FAF1: variants seen among roughly 807,000 people sequenced by gnomAD.
FAF1 encodes the protein Fas associated factor 1.
Under a neutral mutation model 92.5 loss-of-function variants are expected in FAF1, and 25 were observed. That is an observed-to-expected ratio of 0.27 (90% CI 0.20 to 0.38). The LOEUF is 0.38. Ranked by LOEUF, FAF1 falls within the 10% of genes least tolerant of loss-of-function variation. FAF1 has a pLI of 1.00. For synonymous variants in FAF1, 234 were observed against 273.2 expected, an observed-to-expected ratio of 0.86 and a Z score of 1.42; for missense variants, 636 against 793.3, an observed-to-expected ratio of 0.80 and a Z score of 2.38.
chr1:50,876,847 G>A (rs1280219777), intron 1 of FAF1, among the ~76,000 whole-genome samples: 1 of 152,164 alleles, frequency 6.6e-6, no homozygotes, highest in Non-Finnish European at 1.5e-5. Context: ...GCCTCCCAAA[G>A]TGCTGGGATT....
chr1:50,599,753 T>A (rs1652008343), intron 8 of FAF1, among the ~76,000 whole-genome samples: 1 of 152,162 alleles, frequency 6.6e-6, no homozygotes, highest in Non-Finnish European at 1.5e-5. Context: ...ATCAGCCACT[T>A]TTTTTCAGAA....
rs1187899111 is a variant in FAF1 at position 50,858,008 on chromosome 1, A to T, written c.46-11T>A. The T allele has an allele frequency of 6.3e-7, 1 of 1,577,888 alleles. No individual in the cohort carries two copies. Among genetic ancestry groups the T allele is most frequent in the Non-Finnish European group, 8.6e-7 (1 of 1,160,822 alleles). On this transcript the variant is annotated splice_polypyrimidine_tract_variant and intron_variant, in intron 1 of 18. Transcript: ENST00000396153. ...AATGCCAGTACATGCCTGGAAAGAA[A>T]GTAAATAAGCATTTTACATATAATT... is the stretch of plus-strand genomic sequence containing the variant.
intron 2 of FAF1, among the ~76,000 whole-genome samples, chr1:50,820,036 A>C (rs1003192961): frequency 3.3e-5 from 5 of 151,706 alleles, no homozygotes; most frequent in Non-Finnish European, 5.9e-5. Context: ...CGTGCACGGC[A>C]TCCTTTCTCC....
At chr1:50,574,002 G>A (rs988778165) in intron 12 of FAF1, among the ~76,000 whole-genome samples, 15 of 152,124 alleles carry the variant, frequency 9.9e-5, no homozygotes, top group African/African-American at 3.6e-4. Flanking sequence ...GGTGGGGTGC[G>A]CCTGTAATCC....
chr1:50,614,331 T>G (rs1274748657), intron 8 of FAF1, among the ~76,000 whole-genome samples: 1 of 152,162 alleles, frequency 6.6e-6, no homozygotes, highest in Non-Finnish European at 1.5e-5. Flanking sequence ...TATTGTTGTG[T>G]ACTACTAAGT....
chr1:50,613,242 T>C (rs1652759438), intron 8 of FAF1, among the ~76,000 whole-genome samples: 1 of 152,224 alleles, frequency 6.6e-6, no homozygotes, highest in African/African-American at 2.4e-5. Flanking sequence ...GATTGACATC[T>C]GGGCCTCAGT....
At chr1:50,758,322 G>A (rs773648388) in intron 4 of FAF1, among the ~76,000 whole-genome samples, 1 of 152,152 alleles carries the variant, frequency 6.6e-6, no homozygotes, top group Non-Finnish European at 1.5e-5. Context: ...CCAAAATGCT[G>A]GGATTAAAGG....
intron 8 of FAF1, among the ~76,000 whole-genome samples, chr1:50,611,392 T>C (rs977496219): frequency 1.3e-5 from 2 of 152,174 alleles, no homozygotes; most frequent in South Asian, 2.1e-4. Context: ...AAGCTAGTTA[T>C]TATAAGCCTC....
intron 8 of FAF1, among the ~76,000 whole-genome samples, chr1:50,630,824 ATATCT>A (rs1653742663): frequency 1.5e-5 from 2 of 131,190 alleles, no homozygotes; most frequent in Non-Finnish European, 3.2e-5. Context: ...CTAGTGTATC[ATATCT>A]TTTTTTTTTT....
intron 8 of FAF1, among the ~76,000 whole-genome samples, chr1:50,599,016 G>A (rs1011204875): frequency 5.3e-5 from 8 of 152,094 alleles, no homozygotes; most frequent in African/African-American, 1.9e-4. Context: ...ATGTACTACA[G>A]GCACAGGGTT....
intron 8 of FAF1, among the ~76,000 whole-genome samples, chr1:50,606,489 C>CT (rs34498946): frequency 0.033 from 1,919 of 58,562 alleles, 453 homozygotes; most frequent in African/African-American, 0.046. Context: ...GTGAGAGTTG[C>CT]TTTTTTTTTT....
chr1:50,571,030 T>C (rs1193449516), intron 12 of FAF1, among the ~76,000 whole-genome samples: 1 of 152,222 alleles, frequency 6.6e-6, no homozygotes, highest in African/African-American at 2.4e-5. Flanking sequence ...TTTAATAATT[T>C]AGTTCAATAA....
chr1:50,901,818 T>TCATG (rs1644799455), intron 1 of FAF1, among the ~76,000 whole-genome samples: 1 of 152,102 alleles, frequency 6.6e-6, no homozygotes, highest in Admixed American at 6.5e-5. Flanking sequence ...TGGGCCAAGA[T>TCATG]CATGCCACTG....
At chr1:50,588,023 A>G (rs1414498809) in intron 9 of FAF1, among the ~76,000 whole-genome samples, 1 of 152,222 alleles carries the variant, frequency 6.6e-6, no homozygotes, top group African/African-American at 2.4e-5. Context: ...ATGGTGGCTC[A>G]TGCCTGTAAT....
In FAF1 at chr1:50,819,788, CAT is replaced by C. The variant is rs778909423; in HGVS notation, c.115-18113_115-18112del. Among the ~76,000 whole-genome samples, 243 of 54,214 alleles carry C rather than the reference CAT, an allele frequency of 4.5e-3. 16 individuals carry two copies. Among genetic ancestry groups the C allele is most frequent in the African/African-American group, 0.016 (230 of 14,640 alleles). 35.6% of individuals were successfully genotyped at this position (54,214 alleles called of 152,430 possible). ...ACGTATATATATATACATATATATA[CAT>C]ATATATATATACATATATATATATA... On this transcript the variant is annotated intron_variant, in intron 2 of 18. Coordinates refer to ENST00000396153, the MANE Select transcript of FAF1 (RefSeq NM_007051.3).
chr1:50,779,333 T>C (rs372603834), intron 4 of FAF1, among the ~76,000 whole-genome samples: 225 of 152,330 alleles, frequency 1.5e-3, no homozygotes, highest in African/African-American at 5.2e-3. Flanking sequence ...CATGGTATCT[T>C]AGAATGGTGA....
intron 8 of FAF1, among the ~76,000 whole-genome samples, chr1:50,638,052 T>C (rs950457896): frequency 2.6e-5 from 4 of 152,168 alleles, no homozygotes; most frequent in Non-Finnish European, 5.9e-5. Context: ...AAATATTTCA[T>C]GTTTTTGGAT....
intron 1 of FAF1, among the ~76,000 whole-genome samples, chr1:50,871,848 G>T (rs997660548): frequency 6.6e-6 from 1 of 152,020 alleles, no homozygotes; most frequent in African/African-American, 2.4e-5. Context: ...GGCGGATCAC[G>T]AGGTCAGGAG....
At chr1:50,729,791 G>C (rs1248303510) in intron 6 of FAF1, among the ~76,000 whole-genome samples, 1 of 151,994 alleles carries the variant, frequency 6.6e-6, no homozygotes, top group Non-Finnish European at 1.5e-5. Flanking sequence ...GGGAGGCTGA[G>C]GCAGGTGGAT....
Sources: gnomAD v4.1 joint callset for allele counts (sites outside exome capture counted in the v4.1 genomes callset) on GRCh38, gnomAD v4.1.1 for gene constraint, MANE v1.5 for transcripts, NCBI Gene and HGNC (gene_info 2026-07-23, HGNC 2026-07-21) for gene names.